PAPLN: variants seen among roughly 807,000 people sequenced by gnomAD.
PAPLN encodes papilin.
In PAPLN, 146 loss-of-function variants were observed where a neutral mutation model predicts 159.0. That is an observed-to-expected ratio of 0.92 (90% CI 0.80 to 1.05). PAPLN has a LOEUF of 1.05. PAPLN is among the 50% of genes least tolerant of loss of function. The pLI is 0.00. For synonymous variants in PAPLN, 734 were observed against 702.9 expected (o/e 1.04, Z -0.70); for missense variants, 1,720 against 1,743.9 (o/e 0.99, Z 0.24).
rs371699152 is a variant in PAPLN at position 73,254,687 on chromosome 14, T to C, written c.1477T>C (p.Trp493Arg). 1 of 1,613,366 alleles carries C rather than the reference T, an allele frequency of 6.2e-7. No homozygotes were observed. The highest frequency in any genetic ancestry group is 1.3e-5 in the African/African-American group (1 of 74,904). ...TGACCAGGCCTGGCATGTTGGCACC[T>C]GGGGTCTAGTGAGTGCTCTCCACCC... Reference protein sequence around the residue: ...LSDQAWHVGTWGLCSKSCSSG... With the variant: ...LSDQAWHVGTRGLCSKSCSSG... The change falls in exon 13 of 27, where the codon TGG becomes CGG. Residue 493 changes from tryptophan (W) to arginine (R), a missense_variant. Transcript: ENST00000644200.
At chr14:73,262,170 T>C (rs1026377160) in intron 18 of PAPLN, 180 bp from the exon 19 acceptor site, 2 of 670,528 alleles carry the variant, frequency 3.0e-6, no homozygotes, top group African/African-American at 3.6e-5. Context: ...GTCTGCACAG[T>C]GGACAGACTC....
In PAPLN at chr14:73,259,273, C is replaced by T. The variant is rs1886283114; in HGVS notation, c.1713C>T (p.Ser571=). 1 of 1,554,696 alleles carries T rather than the reference C, an allele frequency of 6.4e-7. No homozygotes were observed. Among genetic ancestry groups the T allele is most frequent in the South Asian group, 1.2e-5 (1 of 82,714 alleles). Residue 571 remains serine, a synonymous_variant, in exon 16 of 27, where the codon TCC becomes TCT. Transcript: ENST00000644200. ...LGPQESPASD[S]RGQWWAAQEH... ...TCTTTTGCTTCTTCTTTCTAGACTC[C>T]AGAGGCCAGTGGTGGGCAGCCCAGG... is the stretch of plus-strand genomic sequence containing the variant.
At chr14:73,261,438 C>A in intron 18 of PAPLN, 144 bp downstream of exon 18, 1 of 1,241,174 alleles carries the variant, frequency 8.1e-7, no homozygotes, top group Non-Finnish European at 1.1e-6. Flanking sequence ...CTGCTAGGTG[C>A]CAGGCCAGAG....
Position 73,272,658 on chromosome 14 carries a change from G to A in PAPLN, c.3831G>A (p.Trp1277Ter), listed in dbSNP as rs1320479233. ...SRFQPHAQPI[W>*]Q ...TCCAGCCTCACGCTCAGCCCATCTGGCAGTAGGGATGAAGGCTAGTTCCAG... is the reference window on the plus strand; with the variant it reads ...TCCAGCCTCACGCTCAGCCCATCTGACAGTAGGGATGAAGGCTAGTTCCAG... Residue 1277 changes from tryptophan to a stop codon, truncating the protein, a stop_gained, in exon 27 of 27, where the codon TGG becomes TGA. Coordinates refer to ENST00000644200, the MANE Select transcript of PAPLN (RefSeq NM_001365906.3). LOFTEE classifies it high-confidence loss of function. The A allele has an allele frequency of 8.9e-6, 14 of 1,570,448 alleles. No homozygotes were observed. Among genetic ancestry groups the A allele is most frequent in the Admixed American group, 1.7e-5 (1 of 58,496 alleles).
At chr14:73,252,523 C>CG (rs777966524) in intron 10 of PAPLN, 126 bp from the exon 11 acceptor site, 519 of 1,294,796 alleles carry the variant, frequency 4.0e-4, no homozygotes, top group East Asian at 2.2e-3. Context: ...GCACCTGCCT[C>CG]GGGGGGGTCA....
chr14:73,259,075 C>T lies in PAPLN; in HGVS notation c.1708+16C>T, dbSNP rs191276739. 2.3e-3 allele frequency: 3,743 copies of T among 1,603,234 alleles called. 8 individuals are homozygous for T. The highest frequency in any genetic ancestry group is 2.9e-3 in the Non-Finnish European group (3,366 of 1,174,688). ...CCTGCCTCAGGTGAGAGCCTGGTCC[C>T]GTCCCCCACTCAGAGCCCTGTAGTT... On this transcript the variant is annotated intron_variant, in intron 15 of 26. Coordinates refer to ENST00000644200, the MANE Select transcript of PAPLN (RefSeq NM_001365906.3).
chr14:73,261,090 C>T, intron 17 of PAPLN, 66 bp from the exon 18 acceptor site: 1 of 1,612,238 alleles, frequency 6.2e-7, no homozygotes, highest in Non-Finnish European at 8.5e-7. Flanking sequence ...CTCCCCGTGG[C>T]AGCCCAGAGT....
chr14:73,274,611 C>A lies in PAPLN; in HGVS notation c.*1947C>A, dbSNP rs889260419. 6.6e-6 allele frequency: 1 copy of A among 152,122 alleles called. No homozygotes were observed. The highest frequency in any genetic ancestry group is 2.4e-5 in the African/African-American group (1 of 41,426). The allele number at this position is 152,122 out of a possible 1,614,324, so 9.4% of individuals were successfully genotyped here. On this transcript the variant is annotated 3_prime_UTR_variant, in exon 27 of 27. Transcript: ENST00000644200. The stretch of plus-strand genomic sequence containing the variant: ...GCTATAGAAATTGGAAAATAAAGGC[C>A]ACTTTTTTGAAATCCCCAGTTTAAT...
rs1471469621 is a variant in PAPLN, at chr14:73,253,923, C to A, written c.1264C>A (p.Gln422Lys). Residue 422 changes from glutamine to lysine, a missense_variant, in exon 12 of 27, where the codon CAG (glutamine) becomes AAG (lysine). Transcript: ENST00000644200. The stretch of plus-strand genomic sequence containing the variant: ...CCCTGCCATTCAGGCCTGTAACCTG[C>A]AGCGCTGTGCAGCCTGGAGCCCGGA... The part of the protein sequence containing the change: ...KPPAIQACNL[Q>K]RCAAWSPEPW... 6.2e-7 allele frequency: 1 copy of A among 1,612,882 alleles called. No individual in the cohort carries two copies. Among genetic ancestry groups the A allele is most frequent in the Non-Finnish European group, 8.5e-7 (1 of 1,179,860 alleles).
Position 73,252,781 on chromosome 14 carries a change from A to G in PAPLN, c.1094+6A>G. ...CCTTGCCCGGAGACCAAGCGGTGAG[A>G]CCTTGCCAGCCCCTCTACCCATGAT... On this transcript the variant is annotated splice_donor_region_variant and intron_variant, in intron 11 of 26. Transcript: ENST00000644200. 6.2e-7 allele frequency: 1 copy of G among 1,612,904 alleles called. No homozygotes were observed. The highest frequency in any genetic ancestry group is 8.5e-7 in the Non-Finnish European group (1 of 1,179,886).
At chr14:73,268,112 T>C (rs1887397055) in intron 25 of PAPLN, among the ~76,000 whole-genome samples, 1 of 151,732 alleles carries the variant, frequency 6.6e-6, no homozygotes, top group Non-Finnish European at 1.5e-5. Flanking sequence ...AAATTCTCCC[T>C]TCCCTCTGCT....
rs1030912649 is a variant in PAPLN at position 73,245,914 on chromosome 14, G to A, written c.232-159G>A. 2.3e-6 allele frequency: 2 copies of A among 877,998 alleles called. No individual in the cohort carries two copies. Among genetic ancestry groups the A allele is most frequent in the African/African-American group, 1.7e-5 (1 of 57,780 alleles). 54.4% of individuals were successfully genotyped at this position (877,998 alleles called of 1,614,324 possible). ...AGCCTAGAGCACCATGGAGGGGCAC[G>A]CACAGGAGTTCGGGGGTCCGGGGGG... On this transcript the variant is annotated intron_variant, in intron 4 of 26. Transcript: ENST00000644200. This position sits in a 1 kb window ranked among gnomAD's most constrained non-coding sequence, Gnocchi z 4.2.
intron 1 of PAPLN, among the ~76,000 whole-genome samples, chr14:73,237,897 C>G (rs1381395025): frequency 6.6e-6 from 1 of 152,182 alleles, no homozygotes; most frequent in African/African-American, 2.4e-5. Flanking sequence ...CCGCTCCCGG[C>G]GCGTGGTACA....
In PAPLN at chr14:73,264,302, C is replaced by T. The variant is rs766242908; in HGVS notation, c.2953C>T (p.Arg985Cys). The change falls in exon 21 of 27, where the codon CGC becomes TGC. Residue 985 changes from arginine to cysteine, a missense_variant. Transcript: ENST00000644200. ...CAGCTGTGGCAGCACCCGGCCAGGC[C>T]GCGACTCCCAGAAGATCCAACTTCG... ...TYSCGSTRPG[R>C]DSQKIQLRII... 30 of 1,613,952 alleles carry T rather than the reference C, an allele frequency of 1.9e-5. 1 individual carries two copies. Among genetic ancestry groups the T allele is most frequent in the South Asian group, 1.2e-4 (11 of 91,078 alleles).
chr14:73,246,348 G>A (rs551823104), intron 5 of PAPLN, among the ~76,000 whole-genome samples, 173 bp downstream of exon 5: 1 of 151,070 alleles, frequency 6.6e-6, no homozygotes, highest in South Asian at 2.1e-4. Flanking sequence ...CGCCGGCAGC[G>A]ACCTCCCAGA....
chr14:73,261,129 C>T (rs1304447160), intron 17 of PAPLN, 27 bp from the exon 18 acceptor site: 1 of 1,613,984 alleles, frequency 6.2e-7, no homozygotes, highest in Admixed American at 1.7e-5. Flanking sequence ...CCACTGCCCA[C>T]TTCCCAATCA....
At chr14:73,272,245 C>T in intron 26 of PAPLN, 2 of 372,072 alleles carry the variant, frequency 5.4e-6, no homozygotes, top group Non-Finnish European at 4.8e-6. Flanking sequence ...AAGAGCTATT[C>T]AGTGGGCTGA....
intron 26 of PAPLN, 35 bp from the exon 27 acceptor site, chr14:73,272,460 C>T (rs1226075947): frequency 6.1e-6 from 9 of 1,480,282 alleles, no homozygotes; most frequent in Non-Finnish European, 7.2e-6. Context: ...CACAGAGCTT[C>T]CTCACCACCT....
intron 9 of PAPLN, 52 bp from the exon 10 acceptor site, chr14:73,251,966 G>T: frequency 6.3e-7 from 1 of 1,574,934 alleles, no homozygotes; most frequent in Non-Finnish European, 8.6e-7. Flanking sequence ...GCTGCGGAGG[G>T]TGTGGGAGTG....
Sources: gnomAD v4.1 joint callset for allele counts (sites outside exome capture counted in the v4.1 genomes callset) on GRCh38, gnomAD v4.1.1 for gene constraint, Gnocchi (gnomAD v3.1) non-coding constraint, MANE v1.5 for transcripts, NCBI Gene and HGNC (gene_info 2026-07-23, HGNC 2026-07-21) for gene names.